Variants in ELAVL4 observed in about 807,000 individuals in gnomAD.
ELAVL4 encodes ELAV like RNA binding protein 4.
Under a neutral mutation model 35.6 loss-of-function variants are expected in ELAVL4, and 1 was observed. The observed-to-expected ratio is 0.03, with a 90% CI of 0.01 to 0.13. ELAVL4 has a LOEUF of 0.13. Ranked by LOEUF, ELAVL4 falls within the 10% of genes least tolerant of loss-of-function variation. The pLI, the probability that ELAVL4 is intolerant of heterozygous loss-of-function variation, is 1.00. For synonymous variants in ELAVL4, 156 were observed against 171.0 expected, an observed-to-expected ratio of 0.91 and a Z score of 0.69; for missense variants, 267 against 464.9, an observed-to-expected ratio of 0.57 and a Z score of 3.91.
chr1:50,055,341 C>T (rs186489817), intron 1 of ELAVL4, among the ~76,000 whole-genome samples: 5 of 151,988 alleles, frequency 3.3e-5, no homozygotes, highest in Admixed American at 3.3e-4. Context: ...GCTCTTTCTC[C>T]CAGGCTGGAG....
intron 1 of ELAVL4, among the ~76,000 whole-genome samples, chr1:50,062,995 A>G (rs1247364824): frequency 1.3e-5 from 2 of 152,180 alleles, no homozygotes; most frequent in Non-Finnish European, 2.9e-5. Context: ...AACAAAAAGC[A>G]CAGTCTCTGT....
At chr1:50,107,834 CT>C (rs1467944342), upstream of ELAVL4, among the ~76,000 whole-genome samples, 2 of 152,172 alleles carry the variant, frequency 1.3e-5, no homozygotes, top group Non-Finnish European at 2.9e-5. Flanking sequence ...AAATACACTA[CT>C]GAAGGCTTGG....
chr1:50,135,872 T>G (rs1295285612), intron 1 of ELAVL4, among the ~76,000 whole-genome samples: 1 of 152,116 alleles, frequency 6.6e-6, no homozygotes, highest in Non-Finnish European at 1.5e-5. Context: ...AGTCCAGTGG[T>G]CTTTGTGAGT....
upstream of ELAVL4, chr1:50,106,161 C>A: frequency 1.9e-6 from 1 of 519,238 alleles, no homozygotes; most frequent in Non-Finnish European, 3.3e-6. Context: ...TGTTTCCTAG[C>A]CCATTGTGCC....
At chr1:50,179,052 A>C (rs1299154560) in intron 3 of ELAVL4, among the ~76,000 whole-genome samples, 1 of 151,694 alleles carries the variant, frequency 6.6e-6, no homozygotes, top group Admixed American at 6.6e-5. Flanking sequence ...TGTACCCCCT[A>C]GCCCATCATG....
chr1:50,085,597 A>C (rs1284252468), intron 1 of ELAVL4, among the ~76,000 whole-genome samples: 1 of 152,184 alleles, frequency 6.6e-6, no homozygotes, highest in African/African-American at 2.4e-5. Context: ...CTATATCCAA[A>C]TAGTAAGGAA....
chr1:50,168,984 GTATA>G (rs755820090), intron 2 of ELAVL4, among the ~76,000 whole-genome samples: 2 of 144,256 alleles, frequency 1.4e-5, no homozygotes, highest in African/African-American at 5.1e-5. Context: ...ATATATATAT[GTATA>G]TATATATATA....
intron 1 of ELAVL4, among the ~76,000 whole-genome samples, chr1:50,143,859 A>G (rs1462723677): frequency 6.6e-6 from 1 of 151,998 alleles, no homozygotes; most frequent in East Asian, 1.9e-4. Flanking sequence ...CTCGAATGTG[A>G]GTGTTGAGCT....
At chr1:50,145,518 C>G (rs1235381826) in intron 2 of ELAVL4, among the ~76,000 whole-genome samples, 1 of 152,154 alleles carries the variant, frequency 6.6e-6, no homozygotes, top group East Asian at 1.9e-4. Context: ...CCTCCCTATA[C>G]TATACACTAG....
At chr1:50,062,900 A>G (rs1230308054) in intron 1 of ELAVL4, among the ~76,000 whole-genome samples, 2 of 151,946 alleles carry the variant, frequency 1.3e-5, no homozygotes, top group Non-Finnish European at 2.9e-5. Context: ...ACCCATCCAT[A>G]CTTGTTTGTT....
rs529841713 is a variant in ELAVL4, at chr1:50,131,459, A to T, written c.10-13498A>T. Among the ~76,000 whole-genome samples, 115 of 152,264 alleles carry T rather than the reference A, an allele frequency of 7.6e-4. 1 individual carries two copies. The highest frequency in any genetic ancestry group is 2.7e-3 in the African/African-American group (114 of 41,574). On this transcript the variant is annotated intron_variant, in intron 1 of 6. Transcript: ENST00000371824. ...CTAAAATTCTATTTTTATGTGGCAA[A>T]TCATAAAAATACATACAGTAGGAGT...
Position 50,202,400 on chromosome 1 carries a change from G to A in ELAVL4, c.*1222G>A, listed in dbSNP as rs879588971. 1.3e-5 allele frequency: 2 copies of A among 152,100 alleles called. No individual in the cohort carries two copies. Among genetic ancestry groups the A allele is most frequent in the Non-Finnish European group, 2.9e-5 (2 of 68,002 alleles). The allele number at this position is 152,100 out of a possible 1,614,324, so 9.4% of individuals were successfully genotyped here. On this transcript the variant is annotated 3_prime_UTR_variant, in exon 7 of 7. Transcript: ENST00000371824. The stretch of plus-strand genomic sequence containing the variant: ...AGTTAAATGTAATGTGTTTAGGAGA[G>A]GAAAACAAAAGATACATTTGCTTTA...
At chr1:50,067,611 G>T (rs1268574111) in intron 1 of ELAVL4, among the ~76,000 whole-genome samples, 2 of 152,148 alleles carry the variant, frequency 1.3e-5, no homozygotes, top group East Asian at 3.9e-4. Flanking sequence ...AAAATTGATT[G>T]AGTACCTATT....
intron 2 of ELAVL4, among the ~76,000 whole-genome samples, chr1:50,163,929 C>T (rs115788607): frequency 7.2e-4 from 110 of 152,242 alleles, no homozygotes; most frequent in African/African-American, 2.3e-3. Flanking sequence ...ATTCAAGAAA[C>T]CAGGGCACAG....
chr1:50,124,548 A>G (rs1361343460), intron 1 of ELAVL4, among the ~76,000 whole-genome samples: 1 of 152,122 alleles, frequency 6.6e-6, no homozygotes, highest in Non-Finnish European at 1.5e-5. Context: ...TCCAAAGCCC[A>G]TGTTCTGTCT....
At position 50,195,737 on chromosome 1, in the gene ELAVL4, C is replaced by T. The variant is rs1644014483; in HGVS notation, c.685C>T (p.Pro229Ser). ...CCTGCTCTCCCAGCTCTACCAGTCC[C>T]CCAACCGGCGCTACCCAGGTCCACT... ...QALLSQLYQS[P>S]NRRYPGPLHH... The change falls in exon 5 of 7, where the codon CCC becomes TCC. Residue 229 changes from proline (P) to serine (S), a missense_variant. Physicochemically the swap from Pro to Ser is moderately conservative, Grantham distance 74 (BLOSUM62 -1). This residue lies in a region of ELAVL4 where 216 missense variants were observed against 409.5 expected (regional missense o/e 0.53). Coordinates refer to ENST00000371824, the MANE Select transcript of ELAVL4 (RefSeq NM_001144774.3). The T allele has an allele frequency of 1.2e-6, 2 of 1,614,012 alleles. No homozygotes were observed. Among genetic ancestry groups the T allele is most frequent in the African/African-American group, 1.3e-5 (1 of 74,922 alleles).
intron 1 of ELAVL4, among the ~76,000 whole-genome samples, chr1:50,140,515 C>T (rs575365748): frequency 8.5e-5 from 13 of 152,264 alleles, no homozygotes; most frequent in Non-Finnish European, 1.8e-4. Context: ...ATCTTGGCAA[C>T]TTCTCTTATT....
At chr1:50,092,526 A>G (rs1372419844) in intron 1 of ELAVL4, among the ~76,000 whole-genome samples, 1 of 152,240 alleles carries the variant, frequency 6.6e-6, no homozygotes, top group Non-Finnish European at 1.5e-5. Flanking sequence ...GACTCATGCG[A>G]CATCTCAATT....
At chr1:50,168,518 A>G (rs192178321) in intron 2 of ELAVL4, among the ~76,000 whole-genome samples, 1 of 152,286 alleles carries the variant, frequency 6.6e-6, no homozygotes, top group African/African-American at 2.4e-5. Flanking sequence ...GAAGCTCAGT[A>G]TCTGCTTCTG....
Sources: allele counts gnomAD v4.1 joint callset (sites outside exome capture counted in the v4.1 genomes callset), GRCh38; gene constraint gnomAD v4.1.1; regional missense constraint gnomAD v4.1.1; transcripts MANE v1.5; gene names NCBI Gene and HGNC (gene_info 2026-07-23, HGNC 2026-07-21).